The following TMC3 variants were observed in gnomAD, a reference collection of about 807,000 sequenced individuals.
TMC3 encodes the protein transmembrane channel like 3.
A neutral mutation model predicts 110.6 loss-of-function variants in TMC3; 98 were observed. The observed-to-expected ratio is 0.89, with a 90% confidence interval of 0.75 to 1.05. The LOEUF is 1.05. Ranked by LOEUF, TMC3 falls within the 50% of genes least tolerant of loss-of-function variation. The pLI, the probability that TMC3 is intolerant of heterozygous loss-of-function variation, is 0.00. For synonymous variants in TMC3, 489 were observed against 513.1 expected (o/e 0.95, Z 0.63); for missense variants, 1,319 against 1,373.2 (o/e 0.96, Z 0.62).
intron 16 of TMC3, among the ~76,000 whole-genome samples, chr15:81,340,735 T>C (rs1318461225): frequency 6.6e-6 from 1 of 152,198 alleles, no homozygotes; most frequent in East Asian, 1.9e-4. Flanking sequence ...ATGCCCTGTG[T>C]CCCAGCAATT....
At position 81,334,814 on chromosome 15, in the gene TMC3, G is replaced by C. The variant is rs200283479; in HGVS notation, c.2365C>G (p.Gln789Glu). The C allele has an allele frequency of 1.2e-6, 2 of 1,614,004 alleles. No individual in the cohort carries two copies. The highest frequency in any genetic ancestry group is 1.7e-6 in the Non-Finnish European group (2 of 1,179,864). Residue 789 changes from glutamine (Q) to glutamate (E), a missense_variant, in exon 21 of 22, where the codon CAG becomes GAG. By Grantham distance (29) the Gln-to-Glu change is conservative. Coordinates refer to ENST00000359440, the MANE Select transcript of TMC3 (RefSeq NM_001080532.3). The part of the protein sequence containing the change: ...SKSGRIETVA[Q>E]SMPQSPRPGD... ...GGCCTCGGGCTCTGGGGCATGGACT[G>C]TGCGACTGTCTCTATCCTGCCACTC...
At chr15:81,336,982 C>T (rs1893610269) in intron 19 of TMC3, among the ~76,000 whole-genome samples, 1 of 152,090 alleles carries the variant, frequency 6.6e-6, no homozygotes. Context: ...ATGTATGTTT[C>T]CACCAAAATG....
chr15:81,362,905 G>A (rs1357778576), intron 3 of TMC3, among the ~76,000 whole-genome samples: 4 of 152,090 alleles, frequency 2.6e-5, no homozygotes, highest in Non-Finnish European at 4.4e-5. Context: ...TGTGTGACTC[G>A]CCTCCTGCTA....
rs367817246 is a variant in TMC3 at position 81,349,471 on chromosome 15, A to G, written c.1180T>C (p.Phe394Leu). 2 of 1,525,074 alleles carry G rather than the reference A, an allele frequency of 1.3e-6. No individual in the cohort carries two copies. Among genetic ancestry groups the G allele is most frequent in the African/African-American group, 2.8e-5 (2 of 70,906 alleles). 94.5% of individuals were successfully genotyped at this position (1,525,074 alleles called of 1,614,324 possible). A position where few individuals can be genotyped will look rare whatever the true frequency, so the allele number is the denominator to read the frequency against. ...EMYHPRTTLR[F>L]QLARVLVLYL... ...GGACTGTTGTACCTTGCAAGCTGGA[A>G]GCGCAGCGTGGTCCTGGGGTGGTAC... The change falls in exon 11 of 22, where the codon TTC becomes CTC. Residue 394 changes from phenylalanine (F) to leucine (L), a missense_variant. Transcript: ENST00000359440.
At chr15:81,358,917 A>T (rs1024379904) in intron 5 of TMC3, among the ~76,000 whole-genome samples, 7 of 152,164 alleles carry the variant, frequency 4.6e-5, no homozygotes, top group African/African-American at 1.7e-4. Flanking sequence ...AATAATGTAC[A>T]CAGTCTGGGT....
intron 3 of TMC3, among the ~76,000 whole-genome samples, chr15:81,368,017 C>T (rs753276348): frequency 6.6e-6 from 1 of 151,950 alleles, no homozygotes; most frequent in Non-Finnish European, 1.5e-5. Flanking sequence ...TCACTGCAAC[C>T]TCTGCCTCCC....
chr15:81,358,003 C>T, intron 7 of TMC3, 146 bp downstream of exon 7: 2 of 1,019,740 alleles, frequency 2.0e-6, no homozygotes, highest in Non-Finnish European at 2.8e-6. Context: ...GATTAGATGA[C>T]ATTACACATA....
In TMC3 at chr15:81,351,793, G is replaced by C. The variant is rs766211416; in HGVS notation, c.984C>G (p.Leu328=). The C allele has an allele frequency of 1.2e-6, 2 of 1,610,692 alleles. No individual in the cohort carries two copies. The highest frequency in any genetic ancestry group is 1.7e-6 in the Non-Finnish European group (2 of 1,178,640). The change falls in exon 10 of 22, where the codon CTC becomes CTG. Residue 328 remains leucine (L), a synonymous_variant. Coordinates refer to ENST00000359440, the MANE Select transcript of TMC3 (RefSeq NM_001080532.3). ...LRIIANILVL[L]SLAGSIYLIY... is the part of the protein sequence containing the mutation. ...TGAGATAAATGCTCCCAGCCAGTGA[G>C]AGAAGCACCAGGATGTTGGCAATAA...
intron 3 of TMC3, among the ~76,000 whole-genome samples, chr15:81,367,508 C>G (rs4506851): frequency 0.028 from 4,279 of 152,218 alleles, 198 homozygotes; most frequent in African/African-American, 0.093. Flanking sequence ...TTAATGTATA[C>G]TTTTCATTTA....
chr15:81,344,081 C>T, intron 13 of TMC3, 36 bp from the exon 14 acceptor site: 2 of 1,587,544 alleles, frequency 1.3e-6, no homozygotes. Flanking sequence ...CCACCATGCC[C>T]CACCCTTCCC....
At chr15:81,373,054 ATTT>A (rs1365899417) in intron 1 of TMC3, among the ~76,000 whole-genome samples, 1 of 152,150 alleles carries the variant, frequency 6.6e-6, no homozygotes, top group African/African-American at 2.4e-5. Context: ...ACAAGAGGGT[ATTT>A]ACGTACTCTT....
At chr15:81,363,925 G>A (rs1300171276) in intron 3 of TMC3, among the ~76,000 whole-genome samples, 2 of 152,170 alleles carry the variant, frequency 1.3e-5, no homozygotes, top group Non-Finnish European at 2.9e-5. Flanking sequence ...AAGCCCTGAA[G>A]TCTAAGAAGC....
rs747547168 is a variant in TMC3, at chr15:81,349,574, A to G, written c.1084-7T>C. ...GGGAGACCACCACACTGACCTGCTG[A>G]GAGAGCACATGCCAGAGCCAGACAT... On this transcript the variant is annotated splice_region_variant and splice_polypyrimidine_tract_variant and intron_variant, in intron 10 of 21. Transcript: ENST00000359440. The G allele has an allele frequency of 2.0e-6, 3 of 1,468,580 alleles. No individual in the cohort carries two copies. The highest frequency in any genetic ancestry group is 2.7e-6 in the Non-Finnish European group (3 of 1,105,862). The allele number at this position is 1,468,580 out of a possible 1,614,324, so 91.0% of individuals were successfully genotyped here.
chr15:81,332,279 C>T lies in TMC3; in HGVS notation c.*140G>A, dbSNP rs1893477778. 3 of 1,263,760 alleles carry T rather than the reference C, an allele frequency of 2.4e-6. No individual in the cohort carries two copies. Among genetic ancestry groups the T allele is most frequent in the African/African-American group, 3.0e-5 (2 of 66,324 alleles). 78.3% of individuals were successfully genotyped at this position (1,263,760 alleles called of 1,614,324 possible). ...ATCTGTAGCCCTGTCAGCCTCAGGGCCTCAGCTAGCAGCCGCTGACCATGC... is the reference window on the plus strand; with the variant it reads ...ATCTGTAGCCCTGTCAGCCTCAGGGTCTCAGCTAGCAGCCGCTGACCATGC... On this transcript the variant is annotated 3_prime_UTR_variant, in exon 22 of 22. Transcript: ENST00000359440.
intron 11 of TMC3, among the ~76,000 whole-genome samples, chr15:81,348,765 GA>G (rs1447905522): frequency 6.9e-6 from 1 of 144,402 alleles, no homozygotes; most frequent in South Asian, 2.1e-4. Context: ...GAACAGTGGG[GA>G]AAACCAGACA....
At chr15:81,360,202 C>T (rs6495567) in intron 4 of TMC3, among the ~76,000 whole-genome samples, 152,098 of 152,260 alleles carry the variant, frequency 1, 75,968 homozygotes, top group Middle Eastern at 1. Flanking sequence ...AAAAATTACC[C>T]ATTCTGTGAT....
chr15:81,341,826 A>G (rs573716791), intron 15 of TMC3: 89 of 191,072 alleles, frequency 4.7e-4, no homozygotes, highest in South Asian at 4.3e-3. Flanking sequence ...GATAACTACT[A>G]TTTGGGGCCA....
intron 6 of TMC3, 25 bp downstream of exon 6, chr15:81,358,377 G>T: frequency 1.9e-6 from 3 of 1,608,168 alleles, no homozygotes; most frequent in Non-Finnish European, 2.5e-6. Context: ...CTCAAGACAA[G>T]AGTGTGGCCA....
intron 16 of TMC3, 72 bp downstream of exon 16, chr15:81,341,318 T>C (rs1893708813): frequency 6.8e-7 from 1 of 1,467,292 alleles, no homozygotes; most frequent in Admixed American, 2.2e-5. Flanking sequence ...AGAGGACCCC[T>C]GGGTAAGGCA....
Sources: gnomAD v4.1 joint callset for allele counts (sites outside exome capture counted in the v4.1 genomes callset) on GRCh38, gnomAD v4.1.1 for gene constraint, MANE v1.5 for transcripts, NCBI Gene and HGNC (gene_info 2026-07-23, HGNC 2026-07-21) for gene names.